SCG5: variants seen among roughly 807,000 people sequenced by gnomAD.
SCG5 encodes secretogranin V.
SCG5 carries 18 observed loss-of-function variants against 25.7 expected under a neutral mutation model. That is an observed-to-expected ratio of 0.70 (90% CI 0.48 to 1.04). The LOEUF is 1.04. Ranked by LOEUF, SCG5 falls within the 50% of genes least tolerant of loss-of-function variation. SCG5 has a pLI of 0.00. For missense variants in SCG5, 206 were observed against 259.8 expected, an observed-to-expected ratio of 0.79 and a Z score of 1.42; for synonymous variants, 101 against 91.7, an observed-to-expected ratio of 1.10 and a Z score of -0.58.
chr15:32,695,040 G>A (rs541872929), intron 5 of SCG5, among the ~76,000 whole-genome samples: 60 of 149,144 alleles, frequency 4.0e-4, no homozygotes, highest in African/African-American at 1.5e-3. Flanking sequence ...TTTTGAGATG[G>A]AGTCTCGCTC....
Position 32,664,430 on chromosome 15 carries a change from T to C in SCG5, c.227-15336T>C, listed in dbSNP as rs557430758. ...CATGGCTACAAAACTAATTGATTTA[T>C]ATTTGCTTTGGATGACTAGGAGTTA... On this transcript the variant is annotated intron_variant, in intron 2 of 5. Transcript: ENST00000300175. Among the ~76,000 whole-genome samples the C allele has an allele frequency of 6.6e-5, 10 of 152,270 alleles. No individual in the cohort carries two copies. The South Asian group carries it at 1.9e-3, about 28-fold the overall frequency.
chr15:32,655,355 T>C (rs1418453402), intron 2 of SCG5, among the ~76,000 whole-genome samples: 1 of 152,112 alleles, frequency 6.6e-6, no homozygotes, highest in Non-Finnish European at 1.5e-5. Context: ...ACACCATATA[T>C]GATCCTAAGC....
At position 32,643,762 on chromosome 15, in the gene SCG5, G is replaced by T. The variant is rs567248964; in HGVS notation, c.170G>T (p.Arg57Leu). Residue 57 changes from arginine to leucine, a missense_variant, in exon 2 of 6, where the codon CGA (arginine) becomes CTA (leucine). Transcript: ENST00000300175. ...VMEQLGIARP[R>L]VEYPAHQAMN... Reference sequence around the variant, plus strand: ...GAGCAATTGGGCATTGCCAGGCCCCGAGTGGAATATCCAGCTCACCAGGCC... The same window carrying T: ...GAGCAATTGGGCATTGCCAGGCCCCTAGTGGAATATCCAGCTCACCAGGCC... 6.2e-7 allele frequency: 1 copy of T among 1,613,804 alleles called. No individual in the cohort carries two copies. Among genetic ancestry groups the T allele is most frequent in the Non-Finnish European group, 8.5e-7 (1 of 1,179,886 alleles).
chr15:32,669,579 C>T (rs1325115513), intron 2 of SCG5, among the ~76,000 whole-genome samples: 1 of 152,148 alleles, frequency 6.6e-6, no homozygotes, highest in Non-Finnish European at 1.5e-5. Flanking sequence ...CATGCTTAGC[C>T]TTCATACAAA....
chr15:32,687,884 A>T (rs2054747360), intron 4 of SCG5, among the ~76,000 whole-genome samples: 1 of 152,244 alleles, frequency 6.6e-6, no homozygotes, highest in Non-Finnish European at 1.5e-5. Context: ...GATAATAGTA[A>T]TTGTATTACA....
intron 2 of SCG5, among the ~76,000 whole-genome samples, chr15:32,666,958 T>G (rs2054328678): frequency 6.6e-6 from 1 of 152,206 alleles, no homozygotes; most frequent in African/African-American, 2.4e-5. Flanking sequence ...ACACCTGAAA[T>G]ATGGCTGGCT....
intron 5 of SCG5, chr15:32,692,147 A>G: frequency 9.5e-7 from 1 of 1,055,304 alleles, no homozygotes; most frequent in East Asian, 7.3e-5. Context: ...ATTCTATAAA[A>G]ACACAGGACA....
intron 4 of SCG5, among the ~76,000 whole-genome samples, chr15:32,691,293 CAG>C (rs1595822537): frequency 6.6e-6 from 1 of 152,170 alleles, no homozygotes; most frequent in Admixed American, 6.5e-5. Flanking sequence ...TTTATTTACA[CAG>C]GGGATTGTTG....
chr15:32,690,042 C>T lies in SCG5; in HGVS notation c.490-1668C>T, dbSNP rs556249044. ...AGTTTTAGTAGAGACGGGGTTTCAC[C>T]GTGTTAGCCGGGATGGTCTCGATCT... is the stretch of plus-strand genomic sequence containing the variant. On this transcript the variant is annotated intron_variant, in intron 4 of 5. Coordinates refer to ENST00000300175, the MANE Select transcript of SCG5 (RefSeq NM_001144757.3). Among the ~76,000 whole-genome samples, 27 of 152,198 alleles carry T rather than the reference C, an allele frequency of 1.8e-4. 1 individual carries two copies. Among genetic ancestry groups the T allele is most frequent in the Non-Finnish European group, 1.5e-4 (10 of 68,006 alleles).
rs143894715 is a variant in SCG5, at chr15:32,690,947, C to G, written c.490-763C>G. Among the ~76,000 whole-genome samples the G allele has an allele frequency of 3.1e-3, 466 of 151,792 alleles. 2 individuals carry two copies. The highest frequency in any genetic ancestry group is 0.01 in the African/African-American group (427 of 41,394). On this transcript the variant is annotated intron_variant, in intron 4 of 5. Coordinates refer to ENST00000300175, the MANE Select transcript of SCG5 (RefSeq NM_001144757.3). Reference sequence around the variant, plus strand: ...GCCCCCCCCCACCGCCACCAAATCCCCTTCTCCCTTTCTGCCTTCAGGTTA... The same window carrying G: ...GCCCCCCCCCACCGCCACCAAATCCGCTTCTCCCTTTCTGCCTTCAGGTTA...
Position 32,679,868 on chromosome 15 carries a change from A to G in SCG5, c.329A>G (p.Asp110Gly), listed in dbSNP as rs889138484. Reference sequence around the variant, plus strand: ...AACATTCCTAAGGACTTTAGTGAGGATCAGGGGTACCCAGACCCTCCAAAT... The same window carrying G: ...AACATTCCTAAGGACTTTAGTGAGGGTCAGGGGTACCCAGACCCTCCAAAT... Reference protein sequence around the residue: ...GDNIPKDFSEDQGYPDPPNPC... With the variant: ...GDNIPKDFSEGQGYPDPPNPC... Residue 110 changes from aspartate (D) to glycine (G), a missense_variant, in exon 3 of 6, where the codon GAT becomes GGT. Physicochemically the swap from Asp to Gly is moderately conservative, Grantham distance 94 (BLOSUM62 -1). Transcript: ENST00000300175. 2 of 1,613,664 alleles carry G rather than the reference A, an allele frequency of 1.2e-6. No individual in the cohort carries two copies. Among genetic ancestry groups the G allele is most frequent in the Non-Finnish European group, 1.7e-6 (2 of 1,179,700 alleles).
chr15:32,663,030 AG>A (rs2054248573), intron 2 of SCG5, among the ~76,000 whole-genome samples: 1 of 77,482 alleles, frequency 1.3e-5, no homozygotes, highest in Non-Finnish European at 2.4e-5. Flanking sequence ...TTAAAAAAAA[AG>A]AATATATATA....
At chr15:32,660,491 C>G (rs918486110) in intron 2 of SCG5, among the ~76,000 whole-genome samples, 2 of 152,182 alleles carry the variant, frequency 1.3e-5, no homozygotes, top group African/African-American at 2.4e-5. Flanking sequence ...AGGTATCCAG[C>G]ACTATTCTGA....
At chr15:32,691,796 T>C in intron 5 of SCG5, 33 bp downstream of exon 5, 2 of 1,608,298 alleles carry the variant, frequency 1.2e-6, no homozygotes, top group South Asian at 1.1e-5. Flanking sequence ...GTTGCGGGGA[T>C]GCTTGGAGCT....
Position 32,679,860 on chromosome 15 carries a change from T to C in SCG5, c.321T>C (p.Phe107=), listed in dbSNP as rs1567084814. 6.2e-7 allele frequency: 1 copy of C among 1,613,948 alleles called. No individual in the cohort carries two copies. The highest frequency in any genetic ancestry group is 1.3e-5 in the African/African-American group (1 of 75,026). ...CTGGAGACAACATTCCTAAGGACTT[T>C]AGTGAGGATCAGGGGTACCCAGACC... ...ELTGDNIPKD[F]SEDQGYPDPP... The change falls in exon 3 of 6, where the codon TTT becomes TTC. Residue 107 remains phenylalanine (F), a synonymous_variant. Coordinates refer to ENST00000300175, the MANE Select transcript of SCG5 (RefSeq NM_001144757.3).
At chr15:32,688,963 A>AAAAAG (rs1555437391) in intron 4 of SCG5, among the ~76,000 whole-genome samples, 1 of 140,300 alleles carries the variant, frequency 7.1e-6, no homozygotes. Flanking sequence ...CGTCTCAAAA[A>AAAAAG]AAAAAAAAAA....
intron 2 of SCG5, among the ~76,000 whole-genome samples, chr15:32,647,293 T>TC (rs2053958088): frequency 6.6e-6 from 1 of 152,224 alleles, no homozygotes; most frequent in South Asian, 2.1e-4. Flanking sequence ...GATGTTAAGT[T>TC]CCTTGCAGGC....
intron 4 of SCG5, among the ~76,000 whole-genome samples, chr15:32,688,958 C>CA (rs778404784): frequency 1.4e-3 from 66 of 46,396 alleles, no homozygotes; most frequent in East Asian, 0.011. Flanking sequence ...GACTCCGTCT[C>CA]AAAAAAAAAA....
chr15:32,696,518 T>G lies in SCG5; in HGVS notation c.548T>G (p.Val183Gly). Residue 183 changes from valine (V) to glycine (G), a missense_variant, in exon 6 of 6, where the codon GTC becomes GGC. Val to Gly is a moderately radical substitution (Grantham distance 109). Transcript: ENST00000300175. ...TTTTGTTTGTTTGTTTTTCAGAGTG[T>G]CAATCCATATCTACAAGGACAGAGA... is the stretch of plus-strand genomic sequence containing the variant. ...KGGERRKRRS[V>G]NPYLQGQRLD... 6.2e-7 allele frequency: 1 copy of G among 1,608,890 alleles called. No homozygotes were observed. Among genetic ancestry groups the G allele is most frequent in the Admixed American group, 1.7e-5 (1 of 59,886 alleles).
Sources: gnomAD v4.1 joint callset for allele counts (sites outside exome capture counted in the v4.1 genomes callset) on GRCh38, gnomAD v4.1.1 for gene constraint, MANE v1.5 for transcripts, NCBI Gene and HGNC (gene_info 2026-07-23, HGNC 2026-07-21) for gene names.